NHSL2: variants seen among roughly 807,000 people sequenced by gnomAD.
NHSL2 encodes NHS like 2.
Under a neutral mutation model 53.4 loss-of-function variants are expected in NHSL2, and 27 were observed. That is an observed-to-expected ratio of 0.51 (90% CI 0.37 to 0.70). The LOEUF (loss-of-function observed/expected upper bound fraction) is 0.70, where lower values mean the gene tolerates loss of function less well. Among genes scored for constraint, NHSL2 ranks in the 30% least tolerant of loss-of-function variants. The pLI is 0.00. For missense variants in NHSL2, 892 were observed against 980.1 expected, an observed-to-expected ratio of 0.91 and a Z score of 1.20; for synonymous variants, 408 against 404.1, an observed-to-expected ratio of 1.01 and a Z score of -0.12.
rs1273170608 is a variant in NHSL2 at position 72,134,538 on chromosome X, GACT to G, written c.597_599del (p.Thr201del). ...CAAAACGGCAGCTGAGCGAGGATGA[GACT>G]ACCACCCAGGGTGTGAGGGCCCCCG... is the stretch of plus-strand genomic sequence containing the variant. On this transcript the variant is annotated inframe_deletion, in exon 4 of 8. Coordinates refer to ENST00000633930, the MANE Select transcript of NHSL2 (RefSeq NM_001013627.3). 1 of 1,167,470 alleles carries G rather than the reference GACT, an allele frequency of 8.6e-7. No homozygotes were observed. Among genetic ancestry groups the G allele is most frequent in the Non-Finnish European group, 1.1e-6 (1 of 872,351 alleles).
intron 1 of NHSL2, among the ~76,000 whole-genome samples, chrX:72,084,337 C>T (rs1259958634): frequency 7.1e-5 from 8 of 112,460 alleles, no homozygotes. Context: ...AGGCCACAAA[C>T]CCAGCCTGGG....
In NHSL2 at chrX:72,139,768, C is replaced by G; in HGVS notation, c.2220C>G (p.Ser740Arg). 6 of 1,211,118 alleles carry G rather than the reference C, an allele frequency of 5.0e-6. No homozygotes were observed. The highest frequency in any genetic ancestry group is 6.7e-6 in the Non-Finnish European group (6 of 895,094). Residue 740 changes from serine (S) to arginine (R), a missense_variant, in exon 6 of 8, where the codon AGC becomes AGG. Transcript: ENST00000633930. ...LTLGHLPPPS[S>R]SVRVRPVVPE... is the part of the protein sequence containing the mutation. The stretch of plus-strand genomic sequence containing the variant: ...TGGGCCACTTACCCCCTCCAAGCAG[C>G]AGTGTCCGGGTACGTCCAGTGGTAC...
Position 71,950,919 on chromosome X carries a change from G to A in NHSL2, c.280+39552G>A, listed in dbSNP as rs769591425. Reference sequence around the variant, plus strand: ...GCATTAGAGTTAAGTCCAAACTCCCGGGCTTGGCATTCAAAGACTTCAACA... The same window carrying A: ...GCATTAGAGTTAAGTCCAAACTCCCAGGCTTGGCATTCAAAGACTTCAACA... On this transcript the variant is annotated intron_variant, in intron 1 of 7. Coordinates refer to ENST00000633930, the MANE Select transcript of NHSL2 (RefSeq NM_001013627.3). Among the ~76,000 whole-genome samples the A allele has an allele frequency of 3.6e-5, 4 of 109,615 alleles. No homozygotes were observed. In the South Asian group the frequency reaches 1.6e-3, roughly 43 times the overall value.
At chrX:71,942,045 G>A (rs2041768507) in intron 1 of NHSL2, among the ~76,000 whole-genome samples, 1 of 109,627 alleles carries the variant, frequency 9.1e-6, no homozygotes, top group Non-Finnish European at 1.9e-5. Context: ...GATTTGGAAG[G>A]GGGCTAGAGG....
At position 72,068,237 on chromosome X, in the gene NHSL2, T is replaced by C. The variant is rs147029756; in HGVS notation, c.281-63842T>C. On this transcript the variant is annotated intron_variant, in intron 1 of 7. Coordinates refer to ENST00000633930, the MANE Select transcript of NHSL2 (RefSeq NM_001013627.3). ...CCCTGGGAACTGCTGAAAGAATGAC[T>C]GAATGACTGGGCAGGTGAGTGGGCA... is the stretch of plus-strand genomic sequence containing the variant. Among the ~76,000 whole-genome samples, 774 of 112,268 alleles carry C rather than the reference T, an allele frequency of 6.9e-3. 11 individuals carry two copies. The highest frequency in any genetic ancestry group is 0.024 in the African/African-American group (730 of 30,867).
chrX:72,087,768 A>C (rs139664731), intron 1 of NHSL2, among the ~76,000 whole-genome samples: 3,144 of 111,895 alleles, frequency 0.028, 54 homozygotes, highest in Non-Finnish European at 0.035. Context: ...GCTACTCGGG[A>C]GGCTGAGGCA....
intron 1 of NHSL2, among the ~76,000 whole-genome samples, chrX:72,020,085 G>A (rs1016462073): frequency 8.9e-6 from 1 of 112,343 alleles, no homozygotes; most frequent in African/African-American, 3.2e-5. Flanking sequence ...ATTTTTCTTC[G>A]TGTTATTTTT....
At chrX:71,998,403 G>A (rs1392179289) in intron 1 of NHSL2, among the ~76,000 whole-genome samples, 1 of 111,816 alleles carries the variant, frequency 8.9e-6, no homozygotes, top group Non-Finnish European at 1.9e-5. Flanking sequence ...TTTAGTTTAT[G>A]GTCAGAGAAG....
chrX:71,939,780 C>T (rs2041757224), intron 1 of NHSL2, among the ~76,000 whole-genome samples: 2 of 111,791 alleles, frequency 1.8e-5, no homozygotes, highest in Non-Finnish European at 1.9e-5. Flanking sequence ...ATGCTTTGAA[C>T]TGTATCTGGA....
chrX:72,049,061 CAGG>C (rs1347249114), intron 1 of NHSL2, among the ~76,000 whole-genome samples: 160 of 71,554 alleles, frequency 2.2e-3, no homozygotes, highest in African/African-American at 8.5e-3. Context: ...AGAAGAGGAG[CAGG>C]AGGAGGAGGA....
chrX:72,083,385 G>A (rs1314905549), intron 1 of NHSL2, among the ~76,000 whole-genome samples: 5 of 112,937 alleles, frequency 4.4e-5, no homozygotes, highest in Non-Finnish European at 9.4e-5. Flanking sequence ...GAATTACATG[G>A]TGAGAAAATG....
At chrX:71,954,767 T>G (rs1380707270) in intron 1 of NHSL2, among the ~76,000 whole-genome samples, 1 of 112,285 alleles carries the variant, frequency 8.9e-6, no homozygotes, top group Non-Finnish European at 1.9e-5. Flanking sequence ...GTGCCTTCTC[T>G]GGAAATCTAC....
chrX:72,093,721 G>GCTTGCTTGCTTGCTTTCTTT (rs1216358306), intron 1 of NHSL2, among the ~76,000 whole-genome samples: 7 of 95,301 alleles, frequency 7.3e-5, no homozygotes, highest in Non-Finnish European at 8.1e-5. Flanking sequence ...TAGCTTGCTT[G>GCTTGCTTGCTTGCTTTCTTT]CTTTCTTTCT....
intron 1 of NHSL2, among the ~76,000 whole-genome samples, chrX:71,972,866 TTGTG>T (rs372160139): frequency 1.5e-4 from 14 of 93,794 alleles, no homozygotes; most frequent in South Asian, 5.7e-4. Flanking sequence ...ATCTTTATTG[TTGTG>T]TGTGTGTGTG....
At chrX:71,940,780 C>T (rs2041762174) in intron 1 of NHSL2, among the ~76,000 whole-genome samples, 1 of 110,676 alleles carries the variant, frequency 9.0e-6, no homozygotes, top group Admixed American at 9.6e-5. Context: ...CTCAGAGAGC[C>T]ACTGGATAAA....
intron 1 of NHSL2, among the ~76,000 whole-genome samples, chrX:72,070,663 A>T: frequency 9.2e-6 from 1 of 108,507 alleles, no homozygotes; most frequent in Non-Finnish European, 1.9e-5. Flanking sequence ...GTAGGGTCAC[A>T]AGTACTTTCT....
chrX:71,912,002 G>A (rs974356353), intron 1 of NHSL2, among the ~76,000 whole-genome samples: 3 of 112,168 alleles, frequency 2.7e-5, no homozygotes, highest in African/African-American at 9.7e-5. Flanking sequence ...AGGGGGGAGG[G>A]GAGAATGTCC....
chrX:72,058,314 G>T (rs749416978), intron 1 of NHSL2, among the ~76,000 whole-genome samples: 1 of 112,165 alleles, frequency 8.9e-6, no homozygotes, highest in East Asian at 2.8e-4. Context: ...GGCACCAGGG[G>T]CTTGACAGCT....
chrX:72,139,103 A>G lies in NHSL2; in HGVS notation c.1555A>G (p.Asn519Asp). Reference protein sequence around the residue: ...DVDYDEEQKANEACALPFAST... With the variant: ...DVDYDEEQKADEACALPFAST... The stretch of plus-strand genomic sequence containing the variant: ...GGACTATGATGAGGAGCAGAAGGCC[A>G]ATGAGGCCTGTGCCCTGCCTTTTGC... The change falls in exon 6 of 8, where the codon AAT becomes GAT. Residue 519 changes from asparagine to aspartate, a missense_variant. Physicochemically the swap from Asn to Asp is conservative, Grantham distance 23 (BLOSUM62 1). Coordinates refer to ENST00000633930, the MANE Select transcript of NHSL2 (RefSeq NM_001013627.3). The G allele has an allele frequency of 8.5e-7, 1 of 1,169,754 alleles. No homozygotes were observed. The highest frequency in any genetic ancestry group is 1.1e-6 in the Non-Finnish European group (1 of 873,646).
Sources: allele counts gnomAD v4.1 joint callset (sites outside exome capture counted in the v4.1 genomes callset), GRCh38; gene constraint gnomAD v4.1.1; transcripts MANE v1.5; gene names NCBI Gene and HGNC (gene_info 2026-07-23, HGNC 2026-07-21).